ATRX: variants seen among roughly 807,000 people sequenced by gnomAD.
ATRX encodes ATRX chromatin remodeler.
ATRX carries 12 observed loss-of-function variants against 172.6 expected under a neutral mutation model. That is an observed-to-expected ratio of 0.07 (90% CI 0.04 to 0.11). The LOEUF (loss-of-function observed/expected upper bound fraction) is 0.11. Among genes scored for constraint, ATRX ranks in the 10% least tolerant of loss-of-function variants. The probability of loss-of-function intolerance (pLI) is 1.00; values close to 1 mark genes in which losing one functional copy is unlikely to be tolerated. For missense variants in ATRX, 1,368 were observed against 1,767.4 expected (o/e 0.77, Z 4.05); for synonymous variants, 674 against 594.7 (o/e 1.13, Z -1.94).
intron 1 of ATRX, among the ~76,000 whole-genome samples, chrX:77,724,857 T>C (rs1180812722): frequency 8.9e-6 from 1 of 111,863 alleles, no homozygotes; most frequent in East Asian, 2.8e-4. Context: ...AGTCATATCA[T>C]AGAGATGATC....
At chrX:77,518,907 A>G (rs782423422) in intron 34 of ATRX, among the ~76,000 whole-genome samples, 1 of 112,087 alleles carries the variant, frequency 8.9e-6, no homozygotes, top group East Asian at 2.8e-4. Flanking sequence ...AAGAAAGGAC[A>G]GTCTCATTAA....
intron 27 of ATRX, among the ~76,000 whole-genome samples, chrX:77,579,297 T>C (rs782231711): frequency 1.8e-5 from 2 of 112,033 alleles, no homozygotes; most frequent in African/African-American, 3.2e-5. Flanking sequence ...TGAGCAAACA[T>C]AGGCAGTAAC....
chrX:77,626,727 G>A (rs1557103234), intron 19 of ATRX, among the ~76,000 whole-genome samples: 1 of 111,905 alleles, frequency 8.9e-6, no homozygotes, highest in Non-Finnish European at 1.9e-5. Flanking sequence ...TTCCTATACG[G>A]ATATAAATGA....
intron 19 of ATRX, among the ~76,000 whole-genome samples, chrX:77,621,666 A>G (rs1486619183): frequency 1.8e-5 from 2 of 112,287 alleles, no homozygotes; most frequent in African/African-American, 6.5e-5. Context: ...TGGTTAACAT[A>G]TACACACATA....
chrX:77,756,312 C>T (rs2075491834), intron 1 of ATRX, among the ~76,000 whole-genome samples: 1 of 110,726 alleles, frequency 9.0e-6, no homozygotes, highest in Non-Finnish European at 1.9e-5. Flanking sequence ...CTAAGCAAGA[C>T]CACCTAGCTC....
At chrX:77,540,474 AT>A (rs2063933108) in intron 30 of ATRX, among the ~76,000 whole-genome samples, 4 of 111,894 alleles carry the variant, frequency 3.6e-5, no homozygotes, top group African/African-American at 1.3e-4. Context: ...CCTAAAAGAT[AT>A]CTACAGAACT....
chrX:77,697,223 A>C (rs1648274170), intron 4 of ATRX, among the ~76,000 whole-genome samples: 1 of 111,802 alleles, frequency 8.9e-6, no homozygotes, highest in Non-Finnish European at 1.9e-5. Flanking sequence ...CCCATCCTAG[A>C]CAATTTCATA....
At chrX:77,582,471 GA>G (rs1338929269) in intron 27 of ATRX, among the ~76,000 whole-genome samples, 1 of 109,044 alleles carries the variant, frequency 9.2e-6, no homozygotes, top group Non-Finnish European at 1.9e-5. Context: ...ACCAAGCCCA[GA>G]ATTAGTAGAA....
intron 1 of ATRX, among the ~76,000 whole-genome samples, chrX:77,776,561 A>C (rs1723918254): frequency 8.9e-6 from 1 of 112,423 alleles, no homozygotes; most frequent in South Asian, 3.6e-4. Flanking sequence ...AAATTTCATC[A>C]GTGACTTTTT....
intron 1 of ATRX, among the ~76,000 whole-genome samples, chrX:77,783,166 C>T (rs1477209514): frequency 2.7e-5 from 3 of 111,441 alleles, no homozygotes; most frequent in African/African-American, 9.8e-5. Flanking sequence ...ACCTGGGAGG[C>T]GGAGGCGGCA....
At chrX:77,573,528 A>T (rs1557068742) in intron 28 of ATRX, among the ~76,000 whole-genome samples, 1 of 112,177 alleles carries the variant, frequency 8.9e-6, no homozygotes, top group Non-Finnish European at 1.9e-5. Context: ...ACAGTTAATG[A>T]TATTAAAATG....
At chrX:77,546,126 G>A (rs1462057665) in intron 30 of ATRX, among the ~76,000 whole-genome samples, 2 of 111,408 alleles carry the variant, frequency 1.8e-5, no homozygotes, top group Admixed American at 1.9e-4. Flanking sequence ...TTAATGTCAG[G>A]ATAGTATAGT....
At chrX:77,724,803 C>G (rs1390209301) in intron 1 of ATRX, among the ~76,000 whole-genome samples, 2 of 111,369 alleles carry the variant, frequency 1.8e-5, no homozygotes, top group Non-Finnish European at 3.8e-5. Context: ...ACATTTGTGT[C>G]TATAAGTTCT....
intron 27 of ATRX, among the ~76,000 whole-genome samples, chrX:77,576,960 A>C (rs1378561179): frequency 3.6e-5 from 4 of 111,932 alleles, no homozygotes; most frequent in South Asian, 7.4e-4. Flanking sequence ...CTTCCTTATT[A>C]AGGCTAAATT....
chrX:77,625,019 A>T (rs2067769570), intron 19 of ATRX, among the ~76,000 whole-genome samples: 1 of 112,168 alleles, frequency 8.9e-6, no homozygotes, highest in African/African-American at 3.2e-5. Flanking sequence ...GTCACCAAAA[A>T]AGCTTGGTAC....
intron 30 of ATRX, among the ~76,000 whole-genome samples, chrX:77,529,880 A>G (rs2063512663): frequency 9.1e-6 from 1 of 110,275 alleles, no homozygotes; most frequent in South Asian, 3.8e-4. Context: ...CCCTCTGACA[A>G]TATTAGATCA....
intron 27 of ATRX, among the ~76,000 whole-genome samples, chrX:77,576,239 A>G (rs1284431181): frequency 5.4e-5 from 6 of 111,756 alleles, no homozygotes; most frequent in African/African-American, 1.9e-4. Context: ...TATTAAGATA[A>G]GCATTTTCCA....
At chrX:77,737,070 G>A (rs1358873052) in intron 1 of ATRX, among the ~76,000 whole-genome samples, 1 of 110,148 alleles carries the variant, frequency 9.1e-6, no homozygotes, top group Non-Finnish European at 1.9e-5. Context: ...GTGCGAGGGG[G>A]GGCAAGATGT....
At chrX:77,773,035 CAG>C (rs1234139231) in intron 1 of ATRX, among the ~76,000 whole-genome samples, 1 of 71,292 alleles carries the variant, frequency 1.4e-5, no homozygotes, top group African/African-American at 5.7e-5. Flanking sequence ...TTTTTTGAGA[CAG>C]AGTCTCACTA....
Sources: allele counts gnomAD v4.1 joint callset (sites outside exome capture counted in the v4.1 genomes callset), GRCh38; gene constraint gnomAD v4.1.1; transcripts MANE v1.5; gene names NCBI Gene and HGNC (gene_info 2026-07-23, HGNC 2026-07-21).